The following PATJ variants were observed in gnomAD, a reference collection of about 807,000 sequenced individuals.
PATJ encodes inaD-like protein.
PATJ carries 190 observed loss-of-function variants against 224.9 expected under a neutral mutation model. That is an observed-to-expected ratio of 0.84 (90% CI 0.75 to 0.95). The LOEUF is 0.95. Among genes scored for constraint, PATJ ranks in the 40% least tolerant of loss-of-function variants. The pLI, the probability that PATJ is intolerant of heterozygous loss-of-function variation, is 0.00. For synonymous variants in PATJ, 769 were observed against 820.3 expected, an observed-to-expected ratio of 0.94 and a Z score of 1.07; for missense variants, 2,121 against 2,270.3, an observed-to-expected ratio of 0.93 and a Z score of 1.34.
chr1:62,150,191 T>A (rs1668477597), intron 42 of PATJ, among the ~76,000 whole-genome samples: 1 of 152,058 alleles, frequency 6.6e-6, no homozygotes, highest in African/African-American at 2.4e-5. Context: ...TATTCATGAG[T>A]CATAATCATT....
intron 41 of PATJ, 113 bp from the exon 42 acceptor site, chr1:62,148,171 G>C: frequency 1.7e-6 from 1 of 589,356 alleles, no homozygotes; most frequent in Non-Finnish European, 3.2e-6. Flanking sequence ...GTGTCAAATG[G>C]TCTAGATAAA....
intron 28 of PATJ, among the ~76,000 whole-genome samples, chr1:62,001,464 T>C (rs1645767707): frequency 6.7e-6 from 1 of 150,182 alleles, no homozygotes; most frequent in African/African-American, 2.4e-5. Flanking sequence ...CCCCATTGCT[T>C]ATTTTTCTCA....
At chr1:62,139,755 CT>C (rs748563032) in intron 41 of PATJ, among the ~76,000 whole-genome samples, 48 of 144,596 alleles carry the variant, frequency 3.3e-4, no homozygotes, top group South Asian at 1.6e-3. Flanking sequence ...AAAAGTCATT[CT>C]TTTTTTTTTT....
chr1:61,951,556 G>C (rs1213686669), intron 27 of PATJ, among the ~76,000 whole-genome samples: 1 of 151,936 alleles, frequency 6.6e-6, no homozygotes, highest in Non-Finnish European at 1.5e-5. Flanking sequence ...GTAGGGTAGG[G>C]TAGGGGGTGC....
rs1348903336 is a variant in PATJ, at chr1:62,114,085, C to CGAA, written c.4499_4501dup (p.Glu1500dup). 5.6e-6 allele frequency: 9 copies of CGAA among 1,613,990 alleles called. No individual in the cohort carries two copies. Among genetic ancestry groups the CGAA allele is most frequent in the Non-Finnish European group, 5.9e-6 (7 of 1,180,014 alleles). On this transcript the variant is annotated inframe_insertion, in exon 35 of 44. Transcript: ENST00000642238. ...GGGTTGACCTGAGGAACTCCAGCCA[C>CGAA]GAAGAAGCCATCACAGCCCTGAGGC...
chr1:62,012,024 C>CAA (rs552027685), intron 28 of PATJ, among the ~76,000 whole-genome samples: 8 of 121,152 alleles, frequency 6.6e-5, no homozygotes, highest in Non-Finnish European at 1.1e-4. Flanking sequence ...GAACCTGTCT[C>CAA]AAAAAAAAAA....
At chr1:61,955,444 A>G (rs1680310574) in intron 27 of PATJ, among the ~76,000 whole-genome samples, 1 of 152,180 alleles carries the variant, frequency 6.6e-6, no homozygotes, top group African/African-American at 2.4e-5. Context: ...TCCAAGCTCC[A>G]GACTTGTGAG....
chr1:61,899,702 T>C lies in PATJ; in HGVS notation c.3203+48T>C, dbSNP rs1179287095. 5 of 1,279,714 alleles carry C rather than the reference T, an allele frequency of 3.9e-6. No homozygotes were observed. The Admixed American group carries it at 8.5e-5, about 22-fold the overall frequency. 79.3% of individuals were successfully genotyped at this position (1,279,714 alleles called of 1,614,324 possible). ...GCTTTCTCAATAGGAGCACAACCAG[T>C]TGCTCTTTTCTTTAACTTAACAGAA... On this transcript the variant is annotated intron_variant, in intron 23 of 43. Coordinates refer to ENST00000642238, the MANE Select transcript of PATJ (RefSeq NM_001350145.3).
At chr1:62,144,778 AT>A (rs1330555474) in intron 41 of PATJ, among the ~76,000 whole-genome samples, 1,302 of 50,678 alleles carry the variant, frequency 0.026, 43 homozygotes, top group African/African-American at 0.079. Flanking sequence ...AAAAAAAAAA[AT>A]ATATATATAT....
intron 13 of PATJ, among the ~76,000 whole-genome samples, chr1:61,805,763 G>A (rs1198860236): frequency 6.6e-6 from 1 of 152,178 alleles, no homozygotes; most frequent in Non-Finnish European, 1.5e-5. Context: ...CACTCAGTTC[G>A]TGTTGAAACC....
chr1:61,825,298 G>A (rs1230427205), intron 15 of PATJ, among the ~76,000 whole-genome samples: 1 of 152,178 alleles, frequency 6.6e-6, no homozygotes, highest in Non-Finnish European at 1.5e-5. Context: ...TCTGTACTCT[G>A]GAAGTGTGTA....
At chr1:62,156,501 G>A (rs189941913) in intron 43 of PATJ, among the ~76,000 whole-genome samples, 1 of 152,018 alleles carries the variant, frequency 6.6e-6, no homozygotes, top group African/African-American at 2.4e-5. Context: ...CTGTACTCCA[G>A]CCTGGGCAAC....
chr1:62,031,178 A>G (rs1270119015), intron 29 of PATJ, among the ~76,000 whole-genome samples: 1 of 152,216 alleles, frequency 6.6e-6, no homozygotes, highest in African/African-American at 2.4e-5. Context: ...TCACGTACCC[A>G]GGCAGCAGAG....
chr1:62,019,388 G>A (rs1646951449), intron 29 of PATJ, among the ~76,000 whole-genome samples: 1 of 151,620 alleles, frequency 6.6e-6, no homozygotes, highest in Non-Finnish European at 1.5e-5. Flanking sequence ...TTAGCCAGGT[G>A]TGGTGGCTAC....
chr1:62,067,123 C>CTTTTT (rs11381578), intron 31 of PATJ, among the ~76,000 whole-genome samples: 282 of 116,398 alleles, frequency 2.4e-3, no homozygotes, highest in East Asian at 0.012. Flanking sequence ...CCTATTCTTT[C>CTTTTT]TTTTTTTTTT....
intron 33 of PATJ, among the ~76,000 whole-genome samples, chr1:62,102,553 TAAG>T (rs2148840180): frequency 6.6e-6 from 1 of 151,824 alleles, no homozygotes; most frequent in East Asian, 2.0e-4. Flanking sequence ...AGGAAAGAGA[TAAG>T]AATAACAAAT....
chr1:61,748,879 A>G (rs547217908), intron 1 of PATJ, among the ~76,000 whole-genome samples: 124 of 152,220 alleles, frequency 8.1e-4, no homozygotes, highest in African/African-American at 2.9e-3. Flanking sequence ...TTGATTGAAA[A>G]GAGATGCTAA....
intron 27 of PATJ, among the ~76,000 whole-genome samples, chr1:61,988,091 C>T (rs1278569870): frequency 2.0e-5 from 3 of 152,062 alleles, no homozygotes; most frequent in African/African-American, 4.8e-5. Flanking sequence ...CCCAGCTACT[C>T]AGGAGGCTGA....
chr1:61,933,887 C>T (rs1676410225), intron 27 of PATJ, among the ~76,000 whole-genome samples: 3 of 152,128 alleles, frequency 2.0e-5, no homozygotes, highest in Admixed American at 2.0e-4. Flanking sequence ...GATCAACAAA[C>T]ATACATGAAT....
Sources: allele counts gnomAD v4.1 joint callset (sites outside exome capture counted in the v4.1 genomes callset), GRCh38; gene constraint gnomAD v4.1.1; transcripts MANE v1.5; gene names NCBI Gene and HGNC (gene_info 2026-07-23, HGNC 2026-07-21).